POTEJ: variants seen among roughly 807,000 people sequenced by gnomAD.
POTEJ encodes the protein POTE ankyrin domain family member J, also known as POTE ankyrin domain family, member J.
A neutral mutation model predicts 69.0 loss-of-function variants in POTEJ; 11 were observed. The ratio of observed to expected loss-of-function variants is 0.16; its 90% CI spans 0.10 to 0.26. The LOEUF (loss-of-function observed/expected upper bound fraction) is 0.26, where lower values mean the gene tolerates loss of function less well. POTEJ is among the 10% of genes least tolerant of loss of function. POTEJ has a pLI of 1.00. For synonymous variants in POTEJ, 117 were observed against 381.1 expected (o/e 0.31, Z 8.07); for missense variants, 327 against 1,045.5 (o/e 0.31, Z 9.48).
intron 9 of POTEJ, among the ~76,000 whole-genome samples, chr2:130,637,675 ATT>A (rs1295339372): frequency 1.3e-5 from 2 of 152,278 alleles, no homozygotes; most frequent in Non-Finnish European, 2.9e-5. Context: ...TACAAAATAT[ATT>A]GTTAGTATGT....
At chr2:130,626,797 A>C (rs1685725901) in intron 6 of POTEJ, among the ~76,000 whole-genome samples, 1 of 152,168 alleles carries the variant, frequency 6.6e-6, no homozygotes, top group Non-Finnish European at 1.5e-5. Context: ...AAAGTTAGGA[A>C]TCTCAACTAC....
chr2:130,647,091 G>A (rs1686607260), intron 13 of POTEJ, among the ~76,000 whole-genome samples: 2 of 150,644 alleles, frequency 1.3e-5, no homozygotes, highest in South Asian at 4.1e-4. Flanking sequence ...TTATCAATAG[G>A]AAATAGCTCA....
chr2:130,638,884 A>G (rs1686214108), intron 10 of POTEJ, among the ~76,000 whole-genome samples, 195 bp downstream of exon 10: 1 of 152,408 alleles, frequency 6.6e-6, no homozygotes, highest in East Asian at 1.9e-4. Context: ...AAATAATTAT[A>G]CAACTTACCA....
intron 6 of POTEJ, among the ~76,000 whole-genome samples, chr2:130,627,751 GATTAT>G (rs1338335625): frequency 7.3e-6 from 1 of 136,932 alleles, no homozygotes; most frequent in African/African-American, 3.1e-5. Context: ...TGAGTACCAG[GATTAT>G]AGTTAGAATT....
intron 1 of POTEJ, among the ~76,000 whole-genome samples, chr2:130,615,759 T>C (rs1400780026): frequency 1.3e-4 from 19 of 149,060 alleles, no homozygotes; most frequent in Non-Finnish European, 2.5e-4. Flanking sequence ...TATCCCTGAA[T>C]GTAAAAGTTG....
chr2:130,653,131 G>C (rs1326598307), intron 13 of POTEJ, among the ~76,000 whole-genome samples: 1 of 143,692 alleles, frequency 7.0e-6, no homozygotes, highest in African/African-American at 2.6e-5. Context: ...TAAATCCTTT[G>C]CCTAGGCCAA....
chr2:130,639,257 G>A (rs1444649337), intron 10 of POTEJ, among the ~76,000 whole-genome samples: 2 of 152,304 alleles, frequency 1.3e-5, no homozygotes, highest in East Asian at 3.8e-4. Flanking sequence ...GCTCTGGGAG[G>A]TCCTACCATA....
At chr2:130,640,541 G>A (rs1319705095) in intron 10 of POTEJ, among the ~76,000 whole-genome samples, 1 of 151,922 alleles carries the variant, frequency 6.6e-6, no homozygotes, top group Non-Finnish European at 1.5e-5. Flanking sequence ...CAGCTGTGCT[G>A]TTGACAGTGT....
intron 11 of POTEJ, among the ~76,000 whole-genome samples, chr2:130,644,529 C>T (rs1306838131): frequency 6.6e-6 from 1 of 152,230 alleles, no homozygotes; most frequent in African/African-American, 2.4e-5. Flanking sequence ...AAATCAGCAA[C>T]CTTGTTAACA....
intron 9 of POTEJ, among the ~76,000 whole-genome samples, chr2:130,632,953 A>G (rs1383052879): frequency 6.8e-6 from 1 of 147,504 alleles, no homozygotes; most frequent in African/African-American, 2.6e-5. Flanking sequence ...GGTAAAGTGT[A>G]TCATGGAGAT....
At chr2:130,640,627 A>C (rs1686321165) in intron 10 of POTEJ, among the ~76,000 whole-genome samples, 1 of 151,830 alleles carries the variant, frequency 6.6e-6, no homozygotes, top group Non-Finnish European at 1.5e-5. Context: ...ACAACATCGC[A>C]AGGGCTGCTT....
In POTEJ at chr2:130,636,795, A is replaced by G. The variant is rs1000785402; in HGVS notation, c.1299-1824A>G. On this transcript the variant is annotated intron_variant, in intron 9 of 14. Coordinates refer to ENST00000409602, the MANE Select transcript of POTEJ (RefSeq NM_001277083.2). ...ATATTGTTTGATTGATTCTCACTTT[A>G]AAAATGTTTGACGTAGGTCGGGCAT... is the stretch of plus-strand genomic sequence containing the variant. 8.1e-5 allele frequency among the ~76,000 whole-genome samples: 12 copies of G among 148,116 alleles called. 1 individual carries two copies. Among genetic ancestry groups the G allele is most frequent in the African/African-American group, 3.0e-4 (12 of 40,532 alleles).
rs1453739673 is a variant in POTEJ, at chr2:130,656,046, T to G, written c.1789-503T>G. Among the ~76,000 whole-genome samples the G allele has an allele frequency of 1.4e-5, 2 of 144,624 alleles. 1 individual carries two copies. The highest frequency in any genetic ancestry group is 3.1e-5 in the Non-Finnish European group (2 of 65,310). The allele number at this position is 144,624 out of a possible 152,430, so 94.9% of individuals were successfully genotyped here. On this transcript the variant is annotated intron_variant, in intron 14 of 14. Transcript: ENST00000409602. ...TTAGAAATGTAGAATATCGGTAAAA[T>G]GTTCTTCAGTAAAAGAACTTAAAGA...
intron 11 of POTEJ, 92 bp from the exon 12 acceptor site, chr2:130,645,645 A>T (rs1216998146): frequency 3.5e-6 from 1 of 289,358 alleles, no homozygotes; most frequent in Non-Finnish European, 7.0e-6. Context: ...TGATTACTTC[A>T]GAATAAAATT....
At chr2:130,640,421 C>A (rs1261413491) in intron 10 of POTEJ, among the ~76,000 whole-genome samples, 58 of 148,584 alleles carry the variant, frequency 3.9e-4, no homozygotes, top group African/African-American at 1.4e-3. Flanking sequence ...GGGAATTGAC[C>A]AGGTAGAATG....
chr2:130,646,083 A>T, intron 12 of POTEJ, 46 bp from the exon 13 acceptor site: 1 of 1,176,260 alleles, frequency 8.5e-7, no homozygotes, highest in Middle Eastern at 3.0e-4. Context: ...TTATCAGTAG[A>T]TAATGTGCCT....
chr2:130,625,979 T>C (rs1309600198), intron 6 of POTEJ, among the ~76,000 whole-genome samples: 1 of 138,830 alleles, frequency 7.2e-6, no homozygotes, highest in Admixed American at 7.1e-5. Context: ...CTCTTTCAGC[T>C]GTGCTGTTGG....
At chr2:130,613,545 C>T (rs1304706284) in intron 1 of POTEJ, among the ~76,000 whole-genome samples, 16 of 135,438 alleles carry the variant, frequency 1.2e-4, no homozygotes, top group East Asian at 2.1e-4. Flanking sequence ...GGATTACAGG[C>T]GCCTGCCACC....
intron 7 of POTEJ, among the ~76,000 whole-genome samples, chr2:130,630,787 A>T (rs530884701): frequency 6.9e-6 from 1 of 145,942 alleles, no homozygotes; most frequent in Admixed American, 6.8e-5. Flanking sequence ...ATTAGTACAC[A>T]TTAGAATATA....
Sources: gnomAD v4.1 joint callset for allele counts (sites outside exome capture counted in the v4.1 genomes callset) on GRCh38, gnomAD v4.1.1 for gene constraint, MANE v1.5 for transcripts, NCBI Gene and HGNC (gene_info 2026-07-23, HGNC 2026-07-21) for gene names.